PRKN: variants seen among roughly 807,000 people sequenced by gnomAD.
PRKN encodes parkin RBR E3 ubiquitin protein ligase, also known as E3 ubiquitin-protein ligase parkin.
PRKN carries 56 observed loss-of-function variants against 59.5 expected under a neutral mutation model. That is an observed-to-expected ratio of 0.94 (90% CI 0.76 to 1.18). The LOEUF (loss-of-function observed/expected upper bound fraction) is 1.18. Among genes scored for constraint, PRKN ranks in the 50% most tolerant of loss-of-function variants. The pLI, the probability that PRKN is intolerant of heterozygous loss-of-function variation, is 0.00. For synonymous variants in PRKN, 250 were observed against 222.1 expected (o/e 1.13, Z -1.12); for missense variants, 657 against 596.4 (o/e 1.10, Z -1.06).
intron 6 of PRKN, among the ~76,000 whole-genome samples, chr6:161,971,146 T>A (rs1206505786): frequency 6.6e-6 from 1 of 152,106 alleles, no homozygotes; most frequent in Non-Finnish European, 1.5e-5. Flanking sequence ...GGCAATCATA[T>A]GAACAAAATT....
At chr6:162,122,734 CT>C (rs1045629719) in intron 4 of PRKN, among the ~76,000 whole-genome samples, 15 of 151,826 alleles carry the variant, frequency 9.9e-5, no homozygotes, top group African/African-American at 1.5e-4. Context: ...ATCTATCTAT[CT>C]ATCTATCTAT....
rs556099897 is a variant in PRKN, at chr6:162,545,823, C to T, written c.8-102350G>A. On this transcript the variant is annotated intron_variant, in intron 1 of 11. Transcript: ENST00000366898. ...AGAAAATAAGTCTAAAAATTTTCTCCTCCGAATTGGTAATTGGGGGAACAA... is the reference window on the plus strand; with the variant it reads ...AGAAAATAAGTCTAAAAATTTTCTCTTCCGAATTGGTAATTGGGGGAACAA... Among the ~76,000 whole-genome samples, 79 of 152,086 alleles carry T rather than the reference C, an allele frequency of 5.2e-4. No homozygotes were observed. The South Asian group carries it at 7.7e-3, about 15-fold the overall frequency.
At chr6:161,512,101 T>A (rs1225437049) in intron 9 of PRKN, among the ~76,000 whole-genome samples, 1 of 152,158 alleles carries the variant, frequency 6.6e-6, no homozygotes, top group East Asian at 1.9e-4. Flanking sequence ...AGAACACAAG[T>A]GTACCTAATC....
rs897516913 is a variant in PRKN at position 161,693,278 on chromosome 6, T to C, written c.871+92494A>G. Among the ~76,000 whole-genome samples the C allele has an allele frequency of 6.6e-5, 10 of 152,334 alleles. 1 individual carries two copies. The highest frequency in any genetic ancestry group is 2.4e-4 in the African/African-American group (10 of 41,574). On this transcript the variant is annotated intron_variant, in intron 7 of 11. Coordinates refer to ENST00000366898, the MANE Select transcript of PRKN (RefSeq NM_004562.3). ...AAGATAGATTTTTTCTGTCTTTTAATTTATCTAAAAATAAATCATGGTGTA... is the reference window on the plus strand; with the variant it reads ...AAGATAGATTTTTTCTGTCTTTTAACTTATCTAAAAATAAATCATGGTGTA...
At chr6:161,633,997 AACACACACACACACACACACAC>A (rs141101298) in intron 7 of PRKN, among the ~76,000 whole-genome samples, 1 of 142,020 alleles carries the variant, frequency 7.0e-6, no homozygotes, top group African/African-American at 2.7e-5. Flanking sequence ...GGAAAACTTA[AACACACACACACACACACACAC>A]ACACACACAC....
At chr6:162,428,847 T>G (rs561843876) in intron 2 of PRKN, among the ~76,000 whole-genome samples, 2 of 152,298 alleles carry the variant, frequency 1.3e-5, no homozygotes, top group African/African-American at 2.4e-5. Context: ...GGCCTTGGCA[T>G]GTGCTTACCT....
At chr6:161,430,925 CAGAAGT>C (rs1788617174) in intron 9 of PRKN, among the ~76,000 whole-genome samples, 2 of 151,124 alleles carry the variant, frequency 1.3e-5, no homozygotes, top group Admixed American at 6.6e-5. Context: ...CACCTGAGGT[CAGAAGT>C]TCGAGACCAG....
intron 1 of PRKN, among the ~76,000 whole-genome samples, chr6:162,710,196 C>T (rs1402752536): frequency 1.3e-5 from 2 of 152,056 alleles, no homozygotes; most frequent in Admixed American, 1.3e-4. Flanking sequence ...TAGGCTGCTG[C>T]TTGAAAGCCA....
chr6:162,643,397 CAA>C (rs59995115), intron 1 of PRKN, among the ~76,000 whole-genome samples: 2 of 82,492 alleles, frequency 2.4e-5, no homozygotes, highest in Non-Finnish European at 4.3e-5. Context: ...GACTCTGCCT[CAA>C]AAAAAAAAAA....
Position 161,499,742 on chromosome 6 carries a change from C to G in PRKN, c.1083+49112G>C, listed in dbSNP as rs1438475091. ...ACAATTAATCTTGAGAATTACTGCT[C>G]TGTGGCTGAGGTCATCATATATTCA... On this transcript the variant is annotated intron_variant, in intron 9 of 11. Coordinates refer to ENST00000366898, the MANE Select transcript of PRKN (RefSeq NM_004562.3). The surrounding 1 kb of genome is among the most constrained non-coding windows in gnomAD (Gnocchi z 4.2). Among the ~76,000 whole-genome samples the G allele has an allele frequency of 6.6e-6, 1 of 152,190 alleles. No homozygotes were observed. The highest frequency in any genetic ancestry group is 2.4e-5 in the African/African-American group (1 of 41,442).
At chr6:162,041,278 G>GTAT (rs1784060801) in intron 5 of PRKN, among the ~76,000 whole-genome samples, 1 of 152,182 alleles carries the variant, frequency 6.6e-6, no homozygotes. Flanking sequence ...AGTCTACTGT[G>GTAT]TATTAGATAG....
chr6:161,588,992 G>A lies in PRKN; in HGVS notation c.872-19576C>T, dbSNP rs1781619173. 6.6e-6 allele frequency among the ~76,000 whole-genome samples: 1 copy of A among 152,190 alleles called. No individual in the cohort carries two copies. Among genetic ancestry groups the A allele is most frequent in the Admixed American group, 6.5e-5 (1 of 15,278 alleles). On this transcript the variant is annotated intron_variant, in intron 7 of 11. Coordinates refer to ENST00000366898, the MANE Select transcript of PRKN (RefSeq NM_004562.3). The surrounding 1 kb of genome is among the most constrained non-coding windows in gnomAD (Gnocchi z 5.0). ...CAGCCTTACCAAGCCATAATTCAGA[G>A]AGAATATTTGTAACAGAAGGCCATT...
chr6:162,541,579 G>C (rs2128200103), intron 1 of PRKN, among the ~76,000 whole-genome samples: 1 of 152,272 alleles, frequency 6.6e-6, no homozygotes, highest in Non-Finnish European at 1.5e-5. Flanking sequence ...CAGTAGGTTT[G>C]AGGCCCAGGG....
At chr6:162,344,239 A>G (rs1262595558) in intron 2 of PRKN, among the ~76,000 whole-genome samples, 1 of 152,158 alleles carries the variant, frequency 6.6e-6, no homozygotes, top group Non-Finnish European at 1.5e-5. Context: ...TATTAGATAC[A>G]TGTCACATTC....
intron 9 of PRKN, among the ~76,000 whole-genome samples, chr6:161,496,680 A>C (rs1777763231): frequency 6.6e-6 from 1 of 152,186 alleles, no homozygotes; most frequent in Admixed American, 6.5e-5. Context: ...ATTACAATTT[A>C]AGGGATATTT....
At position 162,258,429 on chromosome 6, in the gene PRKN, T is replaced by G. The variant is rs574737555; in HGVS notation, c.412+4096A>C. On this transcript the variant is annotated intron_variant, in intron 3 of 11. Transcript: ENST00000366898. Reference sequence around the variant, plus strand: ...CTTCATCTCATCTGTCAGGAGATGATGAATGGCGCCTCATTTAGGAAACAC... The same window carrying G: ...CTTCATCTCATCTGTCAGGAGATGAGGAATGGCGCCTCATTTAGGAAACAC... Among the ~76,000 whole-genome samples the G allele has an allele frequency of 6.6e-5, 10 of 152,332 alleles. No homozygotes were observed. The South Asian group carries it at 2.1e-3, about 32-fold the overall frequency.
intron 2 of PRKN, among the ~76,000 whole-genome samples, chr6:162,390,934 C>G (rs1032206036): frequency 6.6e-6 from 1 of 152,094 alleles, no homozygotes. Context: ...ATAGATTATT[C>G]TTAACGTAAG....
chr6:162,023,465 G>T (rs995504736), intron 5 of PRKN, among the ~76,000 whole-genome samples: 1 of 152,088 alleles, frequency 6.6e-6, no homozygotes, highest in Admixed American at 6.6e-5. Context: ...GCTGCTTCGG[G>T]GCCAGGGCTC....
chr6:161,573,719 C>CAAAAAAAAAA (rs1207463759), intron 7 of PRKN, among the ~76,000 whole-genome samples: 1 of 18,758 alleles, frequency 5.3e-5, no homozygotes, highest in Non-Finnish European at 9.5e-5. Flanking sequence ...GACTCCGTCT[C>CAAAAAAAAAA]AAAAAAAAAA....
Sources: allele counts gnomAD v4.1 joint callset (sites outside exome capture counted in the v4.1 genomes callset), GRCh38; gene constraint gnomAD v4.1.1; non-coding constraint Gnocchi (gnomAD v3.1); transcripts MANE v1.5; gene names NCBI Gene and HGNC (gene_info 2026-07-23, HGNC 2026-07-21).